Variants in KIF3B observed in about 807,000 individuals in gnomAD.
KIF3B encodes kinesin-like protein KIF3B.
In KIF3B, 38 loss-of-function variants were observed where a neutral mutation model predicts 74.3. The ratio of observed to expected loss-of-function variants is 0.51; its 90% CI spans 0.39 to 0.67. The LOEUF (loss-of-function observed/expected upper bound fraction) is 0.67, where lower values mean the gene tolerates loss of function less well. Among genes scored for constraint, KIF3B ranks in the 30% least tolerant of loss-of-function variants. KIF3B has a pLI of 0.00. For missense variants in KIF3B, 649 were observed against 932.0 expected (o/e 0.70, Z 3.95); for synonymous variants, 326 against 342.5 (o/e 0.95, Z 0.53).
chr20:32,311,445 ATCCCAG>A lies in KIF3B; in HGVS notation c.1404+265_1404+270del, dbSNP rs2047800390. 6.5e-3 allele frequency among the ~76,000 whole-genome samples: 6 copies of A among 918 alleles called. 3 individuals are homozygous for A. Among genetic ancestry groups the A allele is most frequent in the African/African-American group, 0.091 (2 of 22 alleles). 0.6% of individuals were successfully genotyped at this position (918 alleles called of 152,430 possible). A position where few individuals can be genotyped will look rare whatever the true frequency, so the allele number is the denominator to read the frequency against. On this transcript the variant is annotated intron_variant, in intron 2 of 8. Coordinates refer to ENST00000375712, the MANE Select transcript of KIF3B (RefSeq NM_004798.4). ...AGTATAAAGAACAGCAACGCCTGTAATCCCAGCACTTTGGGAGGCCGAGGCGGGCGG... is the reference window on the plus strand; with the variant it reads ...AGTATAAAGAACAGCAACGCCTGTAACACTTTGGGAGGCCGAGGCGGGCGG...
chr20:32,330,497 T>G (rs2047925120), intron 8 of KIF3B, among the ~76,000 whole-genome samples, 178 bp downstream of exon 8: 1 of 152,218 alleles, frequency 6.6e-6, no homozygotes, highest in Non-Finnish European at 1.5e-5. Context: ...CTATGCTGGG[T>G]ATACCGAATA....
At chr20:32,293,440 G>A (rs922313463) in intron 1 of KIF3B, among the ~76,000 whole-genome samples, 7 of 151,936 alleles carry the variant, frequency 4.6e-5, no homozygotes, top group African/African-American at 1.7e-4. Flanking sequence ...TGAGACATTT[G>A]TCTCTACAAA....
chr20:32,284,715 A>T (rs1490397061), intron 1 of KIF3B, among the ~76,000 whole-genome samples: 1 of 152,204 alleles, frequency 6.6e-6, no homozygotes, highest in Non-Finnish European at 1.5e-5. Flanking sequence ...AAGATCCCGG[A>T]TGTTTCCTGT....
chr20:32,309,980 A>T lies in KIF3B; in HGVS notation c.203A>T (p.Lys68Met). 3 of 1,614,206 alleles carry T rather than the reference A, an allele frequency of 1.9e-6. No homozygotes were observed. The highest frequency in any genetic ancestry group is 2.5e-6 in the Non-Finnish European group (3 of 1,180,038). Residue 68 changes from lysine to methionine, a missense_variant, in exon 2 of 9, where the codon AAG becomes ATG. Physicochemically the swap from Lys to Met is moderately conservative, Grantham distance 95 (BLOSUM62 -1). Transcript: ENST00000375712. ...TFDAVYDWNA[K>M]QFELYDETFR... is the part of the protein sequence containing the mutation. ...GATGCCGTCTATGACTGGAATGCCA[A>T]GCAGTTTGAACTGTACGATGAGACG...
rs1301303416 is a variant in KIF3B, at chr20:32,310,434, C to T, written c.657C>T (p.Phe219=). Residue 219 remains phenylalanine, a synonymous_variant, in exon 2 of 9, where the codon TTC becomes TTT. Coordinates refer to ENST00000375712, the MANE Select transcript of KIF3B (RefSeq NM_004798.4). This position sits in a 1 kb window ranked among gnomAD's most constrained non-coding sequence, Gnocchi z 6.5. ...NEHSSRSHAI[F]VITIECSEVG... ...ACAGCTCGCGTTCTCATGCAATTTT[C>T]GTTATCACTATTGAGTGCAGCGAGG... 6.8e-6 allele frequency: 11 copies of T among 1,614,026 alleles called. No homozygotes were observed. Among genetic ancestry groups the T allele is most frequent in the South Asian group, 3.3e-5 (3 of 91,092 alleles).
Position 32,310,479 on chromosome 20 carries a change from C to A in KIF3B, c.702C>A (p.Asn234Lys). 1 of 1,613,910 alleles carries A rather than the reference C, an allele frequency of 6.2e-7. No homozygotes were observed. Among genetic ancestry groups the A allele is most frequent in the Non-Finnish European group, 8.5e-7 (1 of 1,180,026 alleles). The change falls in exon 2 of 9, where the codon AAC (asparagine) becomes AAA (lysine). Residue 234 changes from asparagine (N) to lysine (K), a missense_variant. Asn to Lys is a moderately conservative substitution (Grantham distance 94, BLOSUM62 0). Transcript: ENST00000375712. This position sits in a 1 kb window ranked among gnomAD's most constrained non-coding sequence, Gnocchi z 6.5. ...GCGAGGTGGGCCTCGATGGTGAAAA[C>A]CACATCCGTGTAGGAAAATTGAACC... ...ECSEVGLDGE[N>K]HIRVGKLNLV...
chr20:32,277,932 C>T (rs1216248341), intron 1 of KIF3B, among the ~76,000 whole-genome samples, 167 bp downstream of exon 1: 3 of 152,228 alleles, frequency 2.0e-5, no homozygotes, highest in Admixed American at 1.3e-4. Flanking sequence ...ACGGCCTTGC[C>T]CCTCCTTCCC....
At position 32,309,798 on chromosome 20, in the gene KIF3B, A is replaced by G; in HGVS notation, c.21A>G (p.Ser7=). ...TCATCATGTCAAAGTTGAAAAGCTC[A>G]GAGTCAGTCAGGGTGGTGGTTCGCT... MSKLKS[S]ESVRVVVRCR... Residue 7 remains serine (S), a synonymous_variant, in exon 2 of 9, where the codon TCA becomes TCG. Coordinates refer to ENST00000375712, the MANE Select transcript of KIF3B (RefSeq NM_004798.4). 9 of 1,613,348 alleles carry G rather than the reference A, an allele frequency of 5.6e-6. No homozygotes were observed. Among genetic ancestry groups the G allele is most frequent in the Non-Finnish European group, 6.8e-6 (8 of 1,179,576 alleles).
chr20:32,316,722 A>G, intron 4 of KIF3B, 34 bp from the exon 5 acceptor site: 1 of 1,613,370 alleles, frequency 6.2e-7, no homozygotes. Context: ...CTTTGGACAG[A>G]CACCCTCCTC....
At chr20:32,311,236 A>G (rs1308393692) in intron 2 of KIF3B, 55 bp downstream of exon 2, 1 of 1,482,056 alleles carries the variant, frequency 6.7e-7, no homozygotes, top group Non-Finnish European at 9.0e-7. Flanking sequence ...TTTTGCTTTC[A>G]TCAAACAACA....
At position 32,309,875 on chromosome 20, in the gene KIF3B, A is replaced by G. The variant is rs2047790829; in HGVS notation, c.98A>G (p.Asp33Gly). Residue 33 changes from aspartate (D) to glycine (G), a missense_variant, in exon 2 of 9, where the codon GAT becomes GGT. Asp to Gly is a moderately conservative substitution (Grantham distance 94). Transcript: ENST00000375712. ...EKAASYDKVV[D>G]VDVKLGQVSV... Reference sequence around the variant, plus strand: ...GCTGCTTCGTATGACAAAGTGGTGGATGTGGATGTTAAGCTGGGGCAGGTG... The same window carrying G: ...GCTGCTTCGTATGACAAAGTGGTGGGTGTGGATGTTAAGCTGGGGCAGGTG... The G allele has an allele frequency of 6.2e-7, 1 of 1,614,020 alleles. No homozygotes were observed. Among genetic ancestry groups the G allele is most frequent in the Non-Finnish European group, 8.5e-7 (1 of 1,180,036 alleles).
At chr20:32,293,803 C>T (rs2047704005) in intron 1 of KIF3B, among the ~76,000 whole-genome samples, 1 of 152,076 alleles carries the variant, frequency 6.6e-6, no homozygotes, top group Non-Finnish European at 1.5e-5. Context: ...ACTGTACACT[C>T]TGTACAGCTT....
intron 1 of KIF3B, among the ~76,000 whole-genome samples, chr20:32,290,911 C>G (rs1462287591): frequency 2.0e-5 from 3 of 151,282 alleles, no homozygotes; most frequent in Admixed American, 2.0e-4. Flanking sequence ...ATAGTGCATA[C>G]ATGGAATGGA....
At chr20:32,306,581 CTTTTTTTT>C (rs935086574) in intron 1 of KIF3B, among the ~76,000 whole-genome samples, 1 of 82,842 alleles carries the variant, frequency 1.2e-5, no homozygotes, top group Non-Finnish European at 2.2e-5. Context: ...AGTTTTTCCT[CTTTTTTTT>C]TTTTTTTTTT....
At chr20:32,323,138 ATATATTTATATATT>A (rs59041472) in intron 5 of KIF3B, among the ~76,000 whole-genome samples, 42,986 of 92,938 alleles carry the variant, frequency 0.46, 9,520 homozygotes, top group East Asian at 0.79. Flanking sequence ...ATATATTTAC[ATATATTTATATATT>A]TATATTTATA....
At chr20:32,323,011 T>TATAC (rs2047878978) in intron 5 of KIF3B, among the ~76,000 whole-genome samples, 1 of 17,942 alleles carries the variant, frequency 5.6e-5, no homozygotes, top group Non-Finnish European at 8.8e-5. Context: ...TATATTTATA[T>TATAC]ATATTTATAT....
intron 5 of KIF3B, among the ~76,000 whole-genome samples, chr20:32,322,952 A>T (rs1032419866): frequency 4.4e-5 from 1 of 22,748 alleles, no homozygotes; most frequent in Non-Finnish European, 5.9e-5. Context: ...ATACATATTT[A>T]TATATATACA....
intron 1 of KIF3B, among the ~76,000 whole-genome samples, chr20:32,308,429 G>A (rs1279900793): frequency 6.6e-6 from 1 of 152,030 alleles, no homozygotes; most frequent in African/African-American, 2.4e-5. Context: ...TATTTATTTT[G>A]AAACAGAGTC....
chr20:32,304,631 A>G (rs6141285), intron 1 of KIF3B, among the ~76,000 whole-genome samples: 57,023 of 152,014 alleles, frequency 0.38, 11,360 homozygotes, highest in East Asian at 0.74. Context: ...TATTTACCGA[A>G]GGAATGAACT....
Sources: gnomAD v4.1 joint callset for allele counts (sites outside exome capture counted in the v4.1 genomes callset) on GRCh38, gnomAD v4.1.1 for gene constraint, Gnocchi (gnomAD v3.1) non-coding constraint, MANE v1.5 for transcripts, NCBI Gene and HGNC (gene_info 2026-07-23, HGNC 2026-07-21) for gene names.